The following CADPS2 variants were observed in gnomAD, a reference collection of about 807,000 sequenced individuals.
CADPS2 encodes calcium dependent secretion activator 2, also known as calcium-dependent secretion activator 2.
In CADPS2, 93 loss-of-function variants were observed where a neutral mutation model predicts 172.5. That is an observed-to-expected ratio of 0.54 (90% CI 0.46 to 0.64). CADPS2 has a LOEUF of 0.64. Among genes scored for constraint, CADPS2 ranks in the 30% least tolerant of loss-of-function variants. The pLI is 0.00. For missense variants in CADPS2, 1,420 were observed against 1,565.9 expected (o/e 0.91, Z 1.57); for synonymous variants, 546 against 555.2 (o/e 0.98, Z 0.23).
intron 7 of CADPS2, among the ~76,000 whole-genome samples, chr7:122,574,784 C>T (rs746552479): frequency 2.0e-5 from 3 of 152,054 alleles, no homozygotes; most frequent in Non-Finnish European, 4.4e-5. Context: ...GACTATAACA[C>T]ACAAATTTTT....
intron 4 of CADPS2, 85 bp downstream of exon 4, chr7:122,629,163 T>TA: frequency 1.0e-6 from 1 of 981,936 alleles, no homozygotes; most frequent in Non-Finnish European, 1.5e-6. Context: ...CTTTTTTTTT[T>TA]AACCTATACA....
chr7:122,738,985 T>C (rs2092335062), intron 1 of CADPS2, among the ~76,000 whole-genome samples: 1 of 152,154 alleles, frequency 6.6e-6, no homozygotes, highest in Non-Finnish European at 1.5e-5. Flanking sequence ...ATCATTATAT[T>C]ACAATCTCCA....
intron 14 of CADPS2, among the ~76,000 whole-genome samples, chr7:122,464,872 GAAT>G (rs533388344): frequency 1.0e-3 from 153 of 152,310 alleles, no homozygotes; most frequent in East Asian, 7.9e-3. Context: ...GGTGAAATCT[GAAT>G]AAGGACTGGT....
chr7:122,573,926 A>T (rs1180714914), intron 7 of CADPS2, among the ~76,000 whole-genome samples: 1 of 152,106 alleles, frequency 6.6e-6, no homozygotes, highest in East Asian at 1.9e-4. Flanking sequence ...AAAATAAGAA[A>T]TTTTATCTTC....
intron 1 of CADPS2, among the ~76,000 whole-genome samples, chr7:122,770,403 T>C (rs1031897494): frequency 6.6e-6 from 1 of 152,086 alleles, no homozygotes; most frequent in African/African-American, 2.4e-5. Flanking sequence ...AAACCTCACT[T>C]TAAAGAATAC....
At chr7:122,578,277 A>AT (rs1336648805) in intron 7 of CADPS2, among the ~76,000 whole-genome samples, 1 of 152,030 alleles carries the variant, frequency 6.6e-6, no homozygotes, top group Non-Finnish European at 1.5e-5. Flanking sequence ...ACGAACACCA[A>AT]TTTTTTCCAA....
At chr7:122,394,298 C>T (rs1306691240) in intron 20 of CADPS2, among the ~76,000 whole-genome samples, 6 of 151,718 alleles carry the variant, frequency 4.0e-5, no homozygotes, top group Admixed American at 6.6e-5. Context: ...CTTTTTCAGG[C>T]GATGAATGTT....
rs559863336 is a variant in CADPS2 at position 122,433,428 on chromosome 7, A to C, written c.2476+4913T>G. 4.8e-5 allele frequency among the ~76,000 whole-genome samples: 6 copies of C among 125,040 alleles called. No individual in the cohort carries two copies. In the South Asian group the frequency reaches 1.3e-3, roughly 26 times the overall value. The allele number at this position is 125,040 out of a possible 152,430, so 82.0% of individuals were successfully genotyped here. On this transcript the variant is annotated intron_variant, in intron 17 of 29. Coordinates refer to ENST00000449022, the MANE Select transcript of CADPS2 (RefSeq NM_017954.11). ...TTGGTTTTTTTTTTTTTTGAGATGGAGTTTTGCTCTTGTTGCCTAGGCTGG... is the reference window on the plus strand; with the variant it reads ...TTGGTTTTTTTTTTTTTTGAGATGGCGTTTTGCTCTTGTTGCCTAGGCTGG...
At chr7:122,498,422 G>T (rs1432782991) in intron 9 of CADPS2, among the ~76,000 whole-genome samples, 1 of 152,034 alleles carries the variant, frequency 6.6e-6, no homozygotes, top group Non-Finnish European at 1.5e-5. Flanking sequence ...CTGTTTAAAT[G>T]TTGCCTCTGT....
intron 24 of CADPS2, chr7:122,386,166 A>C: frequency 1.6e-6 from 1 of 627,102 alleles, no homozygotes; most frequent in Non-Finnish European, 2.5e-6. Context: ...ATATATGCGA[A>C]CACAGAAGCC....
intron 27 of CADPS2, among the ~76,000 whole-genome samples, chr7:122,349,335 T>C (rs2038179518): frequency 6.6e-6 from 1 of 152,154 alleles, no homozygotes; most frequent in Admixed American, 6.6e-5. Context: ...AACCATATAG[T>C]AAGTACTCTA....
chr7:122,399,920 C>A (rs1454946931), intron 20 of CADPS2, among the ~76,000 whole-genome samples: 2 of 147,708 alleles, frequency 1.4e-5, no homozygotes, highest in African/African-American at 2.5e-5. Flanking sequence ...GTGATCCGTC[C>A]GCCTCCGCCT....
intron 7 of CADPS2, among the ~76,000 whole-genome samples, chr7:122,570,801 C>T (rs922072091): frequency 2.6e-5 from 4 of 152,066 alleles, no homozygotes; most frequent in Non-Finnish European, 5.9e-5. Context: ...CCAAACACCA[C>T]ATGTTCTCAT....
chr7:122,386,211 T>C, intron 24 of CADPS2: 1 of 967,978 alleles, frequency 1.0e-6, no homozygotes, highest in Non-Finnish European at 1.4e-6. Flanking sequence ...AATTTTAATT[T>C]GAAAAGATGA....
At chr7:122,535,551 G>A (rs539744530) in intron 8 of CADPS2, among the ~76,000 whole-genome samples, 19 of 151,938 alleles carry the variant, frequency 1.3e-4, no homozygotes, top group Non-Finnish European at 2.6e-4. Flanking sequence ...GTCTGTTAAA[G>A]AACCTTTCCA....
chr7:122,381,890 A>C (rs908307724), intron 24 of CADPS2, among the ~76,000 whole-genome samples: 1 of 152,212 alleles, frequency 6.6e-6, no homozygotes, highest in African/African-American at 2.4e-5. Context: ...TGAGGTTTTT[A>C]GATTTGCATA....
At chr7:122,843,601 C>T (rs1027413795) in intron 1 of CADPS2, among the ~76,000 whole-genome samples, 1 of 152,146 alleles carries the variant, frequency 6.6e-6, no homozygotes, top group Non-Finnish European at 1.5e-5. Context: ...CTTTAGGAAG[C>T]TATGACATTA....
At chr7:122,539,819 GTC>G (rs747900239) in intron 8 of CADPS2, among the ~76,000 whole-genome samples, 92 of 145,388 alleles carry the variant, frequency 6.3e-4, no homozygotes, top group African/African-American at 2.2e-3. Context: ...CTGTCTTTCT[GTC>G]TCTCTCTTTC....
At chr7:122,533,706 G>C (rs2061979534) in intron 8 of CADPS2, among the ~76,000 whole-genome samples, 1 of 152,248 alleles carries the variant, frequency 6.6e-6, no homozygotes, top group South Asian at 2.1e-4. Context: ...ATTGACCTAA[G>C]TAGAAGAGCT....
Sources: allele counts gnomAD v4.1 joint callset (sites outside exome capture counted in the v4.1 genomes callset), GRCh38; gene constraint gnomAD v4.1.1; transcripts MANE v1.5; gene names NCBI Gene and HGNC (gene_info 2026-07-23, HGNC 2026-07-21).